Variants in NKAIN2 observed in about 807,000 individuals in gnomAD.
The protein encoded by NKAIN2 is sodium/potassium transporting ATPase interacting 2.
In NKAIN2, 14 loss-of-function variants were observed where a neutral mutation model predicts 32.6. The observed-to-expected ratio is 0.43, with a 90% CI of 0.28 to 0.67. The LOEUF is 0.67. Among genes scored for constraint, NKAIN2 ranks in the 30% least tolerant of loss-of-function variants. NKAIN2 has a pLI of 0.17. For synonymous variants in NKAIN2, 80 were observed against 87.2 expected, an observed-to-expected ratio of 0.92 and a Z score of 0.46; for missense variants, 198 against 258.3, an observed-to-expected ratio of 0.77 and a Z score of 1.60.
chr6:124,050,837 A>G (rs1281210883), intron 1 of NKAIN2, among the ~76,000 whole-genome samples: 1 of 152,038 alleles, frequency 6.6e-6, no homozygotes, highest in African/African-American at 2.4e-5. Flanking sequence ...TCTAAAAATT[A>G]GAACCAGGAC....
chr6:124,200,604 A>G (rs535504954), intron 1 of NKAIN2, among the ~76,000 whole-genome samples: 32 of 152,248 alleles, frequency 2.1e-4, no homozygotes, highest in Non-Finnish European at 4.1e-4. Flanking sequence ...TATCTTAGAT[A>G]AATTTCACAT....
At chr6:124,349,351 C>G (rs140482751) in intron 2 of NKAIN2, among the ~76,000 whole-genome samples, 1 of 151,922 alleles carries the variant, frequency 6.6e-6, no homozygotes, top group Non-Finnish European at 1.5e-5. Context: ...GTGCACAGGC[C>G]GGTTGGGTAT....
rs537028253 is a variant in NKAIN2, at chr6:124,262,083, A to G, written c.55-20922A>G. Among the ~76,000 whole-genome samples the G allele has an allele frequency of 2.4e-4, 36 of 152,178 alleles. No homozygotes were observed. In the South Asian group the frequency reaches 6.6e-3, roughly 28 times the overall value. On this transcript the variant is annotated intron_variant, in intron 1 of 6. Transcript: ENST00000368417. The stretch of plus-strand genomic sequence containing the variant: ...GTGTTATTCACACCTGTTTATGACC[A>G]CCACAGGGCCTGACAGACGTTAGTT...
intron 1 of NKAIN2, among the ~76,000 whole-genome samples, chr6:124,138,885 A>G (rs1251411577): frequency 6.6e-6 from 1 of 150,796 alleles, no homozygotes; most frequent in Non-Finnish European, 1.5e-5. Flanking sequence ...GAGGATGCAA[A>G]GGCATAAGAA....
chr6:124,057,757 A>G (rs1782728404), intron 1 of NKAIN2, among the ~76,000 whole-genome samples: 1 of 152,020 alleles, frequency 6.6e-6, no homozygotes, highest in Admixed American at 6.6e-5. Flanking sequence ...TCCCCAATTT[A>G]AAAACAACCA....
At chr6:124,118,001 G>C (rs953169950) in intron 1 of NKAIN2, among the ~76,000 whole-genome samples, 3 of 151,688 alleles carry the variant, frequency 2.0e-5, no homozygotes. Context: ...ATACAGCCCT[G>C]TAGATAGCTG....
chr6:124,414,458 A>G (rs1774369283), intron 3 of NKAIN2, among the ~76,000 whole-genome samples: 1 of 152,102 alleles, frequency 6.6e-6, no homozygotes, highest in African/African-American at 2.4e-5. Flanking sequence ...ATTGGTCTAT[A>G]ATTTTCGTTA....
At chr6:124,678,686 A>G (rs751692535) in intron 4 of NKAIN2, among the ~76,000 whole-genome samples, 1 of 152,042 alleles carries the variant, frequency 6.6e-6, no homozygotes, top group Non-Finnish European at 1.5e-5. Flanking sequence ...TTTATATACC[A>G]CCATAGTTTG....
At chr6:124,288,644 A>G (rs1443554702) in intron 2 of NKAIN2, among the ~76,000 whole-genome samples, 1 of 152,160 alleles carries the variant, frequency 6.6e-6, no homozygotes, top group Admixed American at 6.6e-5. Flanking sequence ...GTGATTTTAC[A>G]TATATGCATA....
chr6:124,082,122 G>A (rs1783996022), intron 1 of NKAIN2, among the ~76,000 whole-genome samples: 1 of 152,010 alleles, frequency 6.6e-6, no homozygotes, highest in South Asian at 2.1e-4. Context: ...GTGGCATGAT[G>A]GAAACCATAG....
At chr6:124,768,743 A>C (rs561827701) in intron 4 of NKAIN2, among the ~76,000 whole-genome samples, 2 of 152,278 alleles carry the variant, frequency 1.3e-5, no homozygotes, top group African/African-American at 4.8e-5. Flanking sequence ...AAAAAAAAAC[A>C]AAACTTTTGT....
chr6:124,647,738 C>A (rs1784232369), intron 3 of NKAIN2, among the ~76,000 whole-genome samples: 1 of 151,894 alleles, frequency 6.6e-6, no homozygotes, highest in South Asian at 2.1e-4. Flanking sequence ...ACTGCAAAAA[C>A]AGAAACTAGA....
At chr6:123,991,238 C>G (rs1229635665) in intron 1 of NKAIN2, among the ~76,000 whole-genome samples, 2 of 152,124 alleles carry the variant, frequency 1.3e-5, no homozygotes, top group East Asian at 3.9e-4. Context: ...TTTCTATGAA[C>G]AGATACTTAA....
At chr6:124,792,106 AG>A (rs1334890097) in intron 5 of NKAIN2, among the ~76,000 whole-genome samples, 3 of 152,146 alleles carry the variant, frequency 2.0e-5, no homozygotes, top group Admixed American at 2.0e-4. Context: ...AACTGGGGAA[AG>A]TACTTCTATT....
intron 1 of NKAIN2, among the ~76,000 whole-genome samples, chr6:124,044,435 A>G (rs1782026450): frequency 6.6e-6 from 1 of 152,036 alleles, no homozygotes; most frequent in Non-Finnish European, 1.5e-5. Context: ...CAGGATGATC[A>G]GGGACTACCC....
intron 3 of NKAIN2, among the ~76,000 whole-genome samples, chr6:124,578,269 C>T (rs1781402805): frequency 6.6e-6 from 1 of 152,018 alleles, no homozygotes; most frequent in South Asian, 2.1e-4. Context: ...ATCTTGGGGT[C>T]CCTGATTCTA....
rs1001257991 is a variant in NKAIN2 at position 123,897,586 on chromosome 6, A to G, written c.54+93332A>G. On this transcript the variant is annotated intron_variant, in intron 1 of 6. Coordinates refer to ENST00000368417, the MANE Select transcript of NKAIN2 (RefSeq NM_001040214.3). ...GGGCTGAGATGCAGTGTGCACTGGG[A>G]TGGACATACTGCCCTTTGTGGCTGG... Among the ~76,000 whole-genome samples, 5 of 152,164 alleles carry G rather than the reference A, an allele frequency of 3.3e-5. No homozygotes were observed. In the East Asian group the frequency reaches 7.7e-4, roughly 24 times the overall value.
intron 2 of NKAIN2, among the ~76,000 whole-genome samples, chr6:124,309,057 G>A (rs969352535): frequency 6.6e-6 from 1 of 152,032 alleles, no homozygotes; most frequent in Non-Finnish European, 1.5e-5. Context: ...TTTGAAATTT[G>A]ACTCTTTTGT....
intron 1 of NKAIN2, among the ~76,000 whole-genome samples, chr6:124,110,270 A>T (rs907823526): frequency 8.6e-5 from 13 of 152,024 alleles, no homozygotes; most frequent in African/African-American, 3.1e-4. Context: ...AACAGAAAGG[A>T]CAAAAACCCT....
Sources: gnomAD v4.1 joint callset for allele counts (sites outside exome capture counted in the v4.1 genomes callset) on GRCh38, gnomAD v4.1.1 for gene constraint, MANE v1.5 for transcripts, NCBI Gene and HGNC (gene_info 2026-07-23, HGNC 2026-07-21) for gene names.